The following POLR3G variants were observed in gnomAD, a reference collection of about 807,000 sequenced individuals.
POLR3G encodes DNA-directed RNA polymerase III subunit RPC7.
In POLR3G, 28 loss-of-function variants were observed where a neutral mutation model predicts 30.1. That is an observed-to-expected ratio of 0.93 (90% CI 0.69 to 1.27). POLR3G has a LOEUF of 1.27. Ranked by LOEUF, POLR3G falls within the 50% of genes most tolerant of loss-of-function variation. POLR3G has a pLI of 0.00. For missense variants in POLR3G, 254 were observed against 264.6 expected, an observed-to-expected ratio of 0.96 and a Z score of 0.28; for synonymous variants, 79 against 82.5, an observed-to-expected ratio of 0.96 and a Z score of 0.23.
intron 3 of POLR3G, among the ~76,000 whole-genome samples, chr5:90,494,463 T>G (rs1580208185): frequency 6.6e-6 from 1 of 152,354 alleles, no homozygotes; most frequent in Non-Finnish European, 1.5e-5. Context: ...TTTGAGGAAC[T>G]GCCAAACAGT....
intron 6 of POLR3G, among the ~76,000 whole-genome samples, chr5:90,502,579 C>T (rs1393804568): frequency 6.6e-6 from 1 of 151,824 alleles, no homozygotes; most frequent in Non-Finnish European, 1.5e-5. Flanking sequence ...GAAAATTTTC[C>T]CTCCTATTCC....
chr5:90,508,714 T>G (rs1752604828), intron 7 of POLR3G, among the ~76,000 whole-genome samples: 1 of 152,134 alleles, frequency 6.6e-6, no homozygotes. Flanking sequence ...AATTTTAGCC[T>G]TTATGTCACT....
chr5:90,498,911 T>C (rs1752116609), intron 5 of POLR3G, among the ~76,000 whole-genome samples: 2 of 152,122 alleles, frequency 1.3e-5, no homozygotes, highest in East Asian at 3.9e-4. Context: ...AAACACACTG[T>C]CCTCATTGGG....
At chr5:90,474,797 A>C (rs1338755114), upstream of POLR3G, 1 of 178,612 alleles carries the variant, frequency 5.6e-6, no homozygotes, top group South Asian at 1.1e-4. Context: ...TGCCAAGGGC[A>C]AAAAAACCTC....
rs1460557577 is a variant in POLR3G at position 90,514,324 on chromosome 5, A to G, written c.*2185A>G. The G allele has an allele frequency of 6.6e-6, 1 of 152,224 alleles. No homozygotes were observed. The highest frequency in any genetic ancestry group is 2.4e-5 in the African/African-American group (1 of 41,456). 9.4% of individuals were successfully genotyped at this position (152,224 alleles called of 1,614,324 possible). On this transcript the variant is annotated 3_prime_UTR_variant, in exon 8 of 8. Coordinates refer to ENST00000651687, the MANE Select transcript of POLR3G (RefSeq NM_006467.3). ...TTGAAGTGTCTTTAAAATTGCTATC[A>G]TGAGCAAAACTGGTTGCTGTAATGC...
chr5:90,499,019 G>A (rs1374637077), intron 5 of POLR3G, among the ~76,000 whole-genome samples: 1 of 152,138 alleles, frequency 6.6e-6, no homozygotes, highest in Non-Finnish European at 1.5e-5. Context: ...GAAATACCAG[G>A]TTTGTGAGAG....
intron 7 of POLR3G, among the ~76,000 whole-genome samples, 165 bp from the exon 8 acceptor site, chr5:90,511,888 A>C (rs1561261434): frequency 6.6e-6 from 1 of 152,208 alleles, no homozygotes; most frequent in Admixed American, 6.5e-5. Context: ...AGTGCCTGAC[A>C]AGAGTGGAAG....
In POLR3G at chr5:90,513,463, T is replaced by TAA. The variant is rs1752828442; in HGVS notation, c.*1325_*1326dup. The stretch of plus-strand genomic sequence containing the variant: ...TTCTCTTGCCTTAAAGATCACTTCT[T>TAA]AACTTACATTTGGCTCTCACCCTCT... On this transcript the variant is annotated 3_prime_UTR_variant, in exon 8 of 8. Transcript: ENST00000651687. 1 of 152,622 alleles carries TAA rather than the reference T, an allele frequency of 6.6e-6. No homozygotes were observed. Among genetic ancestry groups the TAA allele is most frequent in the Non-Finnish European group, 1.5e-5 (1 of 68,016 alleles). The allele number at this position is 152,622 out of a possible 1,614,324, so 9.5% of individuals were successfully genotyped here.
intron 6 of POLR3G, among the ~76,000 whole-genome samples, chr5:90,504,332 G>A (rs995732090): frequency 4.6e-5 from 7 of 151,780 alleles, no homozygotes; most frequent in Non-Finnish European, 1.0e-4. Flanking sequence ...AGGCCGAGGC[G>A]GGTGGATCAT....
rs772592017 is a variant in POLR3G, at chr5:90,495,701, A to G, written c.272A>G (p.Tyr91Cys). Residue 91 changes from tyrosine to cysteine, a missense_variant, in exon 4 of 8, where the codon TAC (tyrosine) becomes TGC (cysteine). Coordinates refer to ENST00000651687, the MANE Select transcript of POLR3G (RefSeq NM_006467.3). ...RQDIERYSKR[Y>C]MKVYKEEWIP... Reference sequence around the variant, plus strand: ...GATATTGAAAGGTATAGTAAAAGATACATGAAGGTATACAAGGAAGAATGG... The same window carrying G: ...GATATTGAAAGGTATAGTAAAAGATGCATGAAGGTATACAAGGAAGAATGG... 1.3e-6 allele frequency: 2 copies of G among 1,599,580 alleles called. No homozygotes were observed. Among genetic ancestry groups the G allele is most frequent in the South Asian group, 1.1e-5 (1 of 87,498 alleles).
chr5:90,505,843 A>G (rs977110221), intron 6 of POLR3G, among the ~76,000 whole-genome samples: 1 of 152,200 alleles, frequency 6.6e-6, no homozygotes, highest in Non-Finnish European at 1.5e-5. Context: ...TTGAGATAAT[A>G]CTATTACCTT....
chr5:90,501,994 GTT>G lies in POLR3G; in HGVS notation c.438+9_438+10del, dbSNP rs760119024. On this transcript the variant is annotated splice_region_variant and intron_variant, in intron 6 of 7. Coordinates refer to ENST00000651687, the MANE Select transcript of POLR3G (RefSeq NM_006467.3). ...ATGTGTTGAAAAAAATGGAGGTAAGGTTTTCTTCTTACTATACAAGTGAACTG... is the reference window on the plus strand; with the variant it reads ...ATGTGTTGAAAAAAATGGAGGTAAGGTTCTTCTTACTATACAAGTGAACTG... 7 of 1,610,822 alleles carry G rather than the reference GTT, an allele frequency of 4.3e-6. No individual in the cohort carries two copies. In the Admixed American group the frequency reaches 1.2e-4, roughly 27 times the overall value.
At chr5:90,480,026 G>C (rs2151898604) in intron 1 of POLR3G, among the ~76,000 whole-genome samples, 1 of 152,300 alleles carries the variant, frequency 6.6e-6, no homozygotes, top group East Asian at 1.9e-4. Context: ...AAATTGCAAA[G>C]AAAGTGACAT....
At chr5:90,492,900 A>G (rs1269009403) in intron 3 of POLR3G, among the ~76,000 whole-genome samples, 5 of 152,146 alleles carry the variant, frequency 3.3e-5, no homozygotes, top group Non-Finnish European at 5.9e-5. Context: ...AAAGTTTTTT[A>G]AAGTATTGCA....
rs542389151 is a variant in POLR3G, at chr5:90,483,767, A to T, written c.-43-1758A>T. 9.8e-5 allele frequency among the ~76,000 whole-genome samples: 15 copies of T among 152,328 alleles called. 1 individual carries two copies. In the South Asian group the frequency reaches 2.5e-3, roughly 25 times the overall value. ...AAAAAAATAAATAAATAAAATATTTAAAAAATTAAATTGGCTGTCTAAAAG... is the reference window on the plus strand; with the variant it reads ...AAAAAAATAAATAAATAAAATATTTTAAAAATTAAATTGGCTGTCTAAAAG... On this transcript the variant is annotated intron_variant, in intron 1 of 7. Coordinates refer to ENST00000651687, the MANE Select transcript of POLR3G (RefSeq NM_006467.3).
rs972619692 is a variant in POLR3G at position 90,485,832 on chromosome 5, T to G, written c.117+148T>G. On this transcript the variant is annotated intron_variant, in intron 2 of 7. Coordinates refer to ENST00000651687, the MANE Select transcript of POLR3G (RefSeq NM_006467.3). ...TGTGTTTCACTTACCTTTAAATATT[T>G]TCATGATCTGCTTTCTTAAAATATA... 3 of 561,202 alleles carry G rather than the reference T, an allele frequency of 5.3e-6. No individual in the cohort carries two copies. The South Asian group carries it at 9.1e-5, about 17-fold the overall frequency. The allele number at this position is 561,202 out of a possible 1,614,324, so 34.8% of individuals were successfully genotyped here.
At chr5:90,486,866 T>G (rs970804704) in intron 2 of POLR3G, among the ~76,000 whole-genome samples, 12 of 152,222 alleles carry the variant, frequency 7.9e-5, no homozygotes, top group South Asian at 6.2e-4. Context: ...TTTGACTTAT[T>G]TATCATGGTA....
intron 3 of POLR3G, among the ~76,000 whole-genome samples, chr5:90,488,983 G>A (rs1271034660): frequency 6.6e-6 from 1 of 152,110 alleles, no homozygotes; most frequent in African/African-American, 2.4e-5. Context: ...TAGAGAGACT[G>A]ATATCATCTT....
At chr5:90,474,413 G>A, upstream of POLR3G, 2 of 896,020 alleles carry the variant, frequency 2.2e-6, no homozygotes, top group South Asian at 1.5e-5. Context: ...AGGAGGCGTA[G>A]AGCGAGGCGG....
Sources: gnomAD v4.1 joint callset for allele counts (sites outside exome capture counted in the v4.1 genomes callset) on GRCh38, gnomAD v4.1.1 for gene constraint, MANE v1.5 for transcripts, NCBI Gene and HGNC (gene_info 2026-07-23, HGNC 2026-07-21) for gene names.